The following HTR3D variants were observed in gnomAD, a reference collection of about 807,000 sequenced individuals.
HTR3D encodes 5-hydroxytryptamine (serotonin) receptor 3 family member D.
HTR3D carries 47 observed loss-of-function variants against 45.8 expected under a neutral mutation model. The ratio of observed to expected loss-of-function variants is 1.03; its 90% CI spans 0.81 to 1.31. The LOEUF (loss-of-function observed/expected upper bound fraction) is 1.31. HTR3D is among the 50% of genes most tolerant of loss of function. HTR3D has a pLI of 0.00. For synonymous variants in HTR3D, 203 were observed against 199.8 expected (o/e 1.02, Z -0.13); for missense variants, 448 against 506.9 (o/e 0.88, Z 1.12).
chr3:184,034,292 A>G (rs1334789809), intron 1 of HTR3D, among the ~76,000 whole-genome samples: 1 of 152,246 alleles, frequency 6.6e-6, no homozygotes, highest in East Asian at 1.9e-4. Context: ...ATTCTAACAC[A>G]TGCCACAATG....
chr3:184,032,814 C>T lies in HTR3D; in HGVS notation c.66+1007C>T, dbSNP rs1380768623. 7 of 1,526,342 alleles carry T rather than the reference C, an allele frequency of 4.6e-6. No individual in the cohort carries two copies. In the African/African-American group the frequency reaches 6.9e-5, roughly 15 times the overall value. The allele number at this position is 1,526,342 out of a possible 1,614,324, so 94.5% of individuals were successfully genotyped here. A position where few individuals can be genotyped will look rare whatever the true frequency, so the allele number is the denominator to read the frequency against. ...AGGAGCTCACATGCTTCTCCCAGTGCCCCCTGTTTTCTCTCCATGCAGAAA... is the reference window on the plus strand; with the variant it reads ...AGGAGCTCACATGCTTCTCCCAGTGTCCCCTGTTTTCTCTCCATGCAGAAA... On this transcript the variant is annotated intron_variant, in intron 1 of 7. Coordinates refer to ENST00000428798, the MANE Select transcript of HTR3D (RefSeq NM_001145143.1).
intron 1 of HTR3D, 147 bp downstream of exon 1, chr3:184,031,954 C>A: frequency 1.7e-6 from 1 of 597,772 alleles, no homozygotes. Flanking sequence ...GGCTTTGTAC[C>A]TCTTCCTAGG....
Position 184,038,700 on chromosome 3 carries a change from A to G in HTR3D, c.986-46A>G. On this transcript the variant is annotated intron_variant, in intron 7 of 7. Coordinates refer to ENST00000428798, the MANE Select transcript of HTR3D (RefSeq NM_001145143.1). The surrounding 1 kb of genome is among the most constrained non-coding windows in gnomAD (Gnocchi z 4.5). The stretch of plus-strand genomic sequence containing the variant: ...CCTCCTTCCCTGTCTCCCTCCCTCC[A>G]CAGGTGACATTTGCAGCCCATGGCT... 1 of 1,559,414 alleles carries G rather than the reference A, an allele frequency of 6.4e-7. No individual in the cohort carries two copies.
In HTR3D at chr3:184,036,885, G is replaced by T; in HGVS notation, c.505G>T (p.Ala169Ser). The part of the protein sequence containing the change: ...VTVATNQYEQ[A>S]IFHVAIRRRC... ...CGTGGCCACTAACCAGTATGAACAAGCCATCTTCCATGTGAGCTCAGGGGC... is the reference window on the plus strand; with the variant it reads ...CGTGGCCACTAACCAGTATGAACAATCCATCTTCCATGTGAGCTCAGGGGC... The change falls in exon 5 of 8, where the codon GCC becomes TCC. Residue 169 changes from alanine to serine, a missense_variant. Coordinates refer to ENST00000428798, the MANE Select transcript of HTR3D (RefSeq NM_001145143.1). 6.4e-7 allele frequency: 1 copy of T among 1,551,450 alleles called. No homozygotes were observed. Among genetic ancestry groups the T allele is most frequent in the Non-Finnish European group, 8.7e-7 (1 of 1,146,860 alleles).
chr3:184,036,745 G>A lies in HTR3D; in HGVS notation c.368-3G>A, dbSNP rs200368871. The A allele has an allele frequency of 3.2e-4, 492 of 1,552,262 alleles. 4 individuals carry two copies. In the South Asian group the frequency reaches 4.1e-3, roughly 13 times the overall value. On this transcript the variant is annotated splice_region_variant and splice_polypyrimidine_tract_variant and intron_variant, in intron 4 of 7. Transcript: ENST00000428798. ...GGGCCTGCTTTGCAGTGGAGAACAC[G>A]AGCCCGGGCATGGAGAAGGATGTCC...
Position 184,038,753 on chromosome 3 carries a change from G to A in HTR3D, c.993G>A (p.Lys331=), listed in dbSNP as rs2108963829. Residue 331 remains lysine, a synonymous_variant, in exon 8 of 8, where the codon AAG becomes AAA. Transcript: ENST00000428798. The surrounding 1 kb of genome is among the most constrained non-coding windows in gnomAD (Gnocchi z 4.5). The part of the protein sequence containing the change: ...GLTPTHLPGV[K]EPEVSAGQMP... The stretch of plus-strand genomic sequence containing the variant: ...GTCTCTGTCTTTCTGTAGGTGTGAA[G>A]GAGCCAGAGGTATCAGCAGGGCAGA... The A allele has an allele frequency of 6.3e-7, 1 of 1,595,966 alleles. No homozygotes were observed. Among genetic ancestry groups the A allele is most frequent in the Admixed American group, 1.7e-5 (1 of 57,768 alleles).
chr3:184,036,282 C>T (rs55788911), intron 3 of HTR3D, 93 bp from the exon 4 acceptor site: 97,685 of 1,529,736 alleles, frequency 0.064, 3,778 homozygotes, highest in East Asian at 0.19. Flanking sequence ...GGCTGGAGCT[C>T]GAGAATGGGA....
upstream of HTR3D, chr3:184,031,650 A>C: frequency 3.6e-6 from 3 of 836,926 alleles, no homozygotes; most frequent in South Asian, 1.5e-5. Context: ...TGATATATAT[A>C]TTATTCAAAG....
At chr3:184,035,039 A>G (rs1161311128) in intron 1 of HTR3D, 139 bp from the exon 2 acceptor site, 2 of 1,499,000 alleles carry the variant, frequency 1.3e-6, no homozygotes, top group Non-Finnish European at 1.8e-6. Context: ...AATTGTTTTG[A>G]TCTACATCAT....
At chr3:184,032,941 C>T in intron 1 of HTR3D, 1 of 1,552,688 alleles carries the variant, frequency 6.4e-7, no homozygotes, top group East Asian at 2.4e-5. Flanking sequence ...TTGGCCAGCA[C>T]AGGGTGGACC....
intron 1 of HTR3D, among the ~76,000 whole-genome samples, chr3:184,034,820 T>A (rs1354756001): frequency 6.6e-6 from 1 of 151,928 alleles, no homozygotes; most frequent in Non-Finnish European, 1.5e-5. Context: ...AGAGCAAGAT[T>A]CTGTCTCAAA....
intron 1 of HTR3D, chr3:184,033,002 A>T: frequency 6.4e-7 from 1 of 1,551,960 alleles, no homozygotes; most frequent in Non-Finnish European, 8.7e-7. Flanking sequence ...TCCAGTCACC[A>T]ACTACAGTGT....
intron 5 of HTR3D, among the ~76,000 whole-genome samples, chr3:184,037,293 C>T (rs1387451301): frequency 2.0e-5 from 3 of 152,138 alleles, no homozygotes; most frequent in African/African-American, 7.2e-5. Flanking sequence ...CCTGCCTCGG[C>T]CTCCCAAAGT....
chr3:184,034,533 A>G (rs1375688497), intron 1 of HTR3D, among the ~76,000 whole-genome samples: 1 of 152,196 alleles, frequency 6.6e-6, no homozygotes, highest in Non-Finnish European at 1.5e-5. Context: ...AATGTGTTTA[A>G]CGCCACGGAA....
At chr3:184,034,271 A>G (rs1170188312) in intron 1 of HTR3D, among the ~76,000 whole-genome samples, 1 of 152,226 alleles carries the variant, frequency 6.6e-6, no homozygotes, top group Non-Finnish European at 1.5e-5. Flanking sequence ...GCAGCCTTCA[A>G]ATGGAACAAA....
At chr3:184,036,943 G>A in intron 5 of HTR3D, 47 bp downstream of exon 5, 1 of 1,529,146 alleles carries the variant, frequency 6.5e-7, no homozygotes, top group Non-Finnish European at 8.8e-7. Flanking sequence ...GGCCAGGCTG[G>A]TCTTGAACTC....
chr3:184,037,876 G>A, intron 5 of HTR3D, 145 bp from the exon 6 acceptor site: 2 of 990,284 alleles, frequency 2.0e-6, no homozygotes, highest in Non-Finnish European at 2.9e-6. Flanking sequence ...GCCTTTGGAT[G>A]AAAAGACCGG....
intron 1 of HTR3D, among the ~76,000 whole-genome samples, chr3:184,033,746 A>G (rs1010116610): frequency 2.6e-5 from 4 of 151,974 alleles, no homozygotes; most frequent in African/African-American, 9.7e-5. Context: ...GTGAAACCCC[A>G]TCTCTACTAA....
At position 184,038,893 on chromosome 3, in the gene HTR3D, C is replaced by T. The variant is rs142313073; in HGVS notation, c.1133C>T (p.Ala378Val). The T allele has an allele frequency of 1.5e-5, 24 of 1,614,068 alleles. No homozygotes were observed. Among genetic ancestry groups the T allele is most frequent in the Middle Eastern group, 1.6e-4 (1 of 6,084 alleles). Residue 378 changes from alanine (A) to valine (V), a missense_variant, in exon 8 of 8, where the codon GCG becomes GTG. Ala to Val is a moderately conservative substitution (Grantham distance 64). Coordinates refer to ENST00000428798, the MANE Select transcript of HTR3D (RefSeq NM_001145143.1). The surrounding 1 kb of genome is among the most constrained non-coding windows in gnomAD (Gnocchi z 4.5). ...GAGCTGTGGGTGCAGTTCAGCCACG[C>T]GATGGACGCCCTGCTCTTCCGCCTC... is the stretch of plus-strand genomic sequence containing the variant. ...SVELWVQFSH[A>V]MDALLFRLYL...
Sources: allele counts gnomAD v4.1 joint callset (sites outside exome capture counted in the v4.1 genomes callset), GRCh38; gene constraint gnomAD v4.1.1; non-coding constraint Gnocchi (gnomAD v3.1); transcripts MANE v1.5; gene names NCBI Gene and HGNC (gene_info 2026-07-23, HGNC 2026-07-21).